Variants in MINDY2 observed in about 807,000 individuals in gnomAD.
MINDY2 encodes the protein ubiquitin carboxyl-terminal hydrolase MINDY-2.
A neutral mutation model predicts 68.2 loss-of-function variants in MINDY2; 52 were observed. That is an observed-to-expected ratio of 0.76 (90% confidence interval 0.61 to 0.96). MINDY2 has a LOEUF of 0.96. MINDY2 is among the 40% of genes least tolerant of loss of function. The probability of loss-of-function intolerance (pLI) is 0.00; values close to 1 mark genes in which losing one functional copy is unlikely to be tolerated. For missense variants in MINDY2, 881 were observed against 773.4 expected (o/e 1.14, Z -1.65); for synonymous variants, 372 against 303.0 (o/e 1.23, Z -2.36).
intron 6 of MINDY2, 59 bp downstream of exon 6, chr15:58,831,975 G>C (rs945915246): frequency 8.8e-6 from 13 of 1,476,982 alleles, no homozygotes; most frequent in South Asian, 1.3e-5. Context: ...TTGATTTAGA[G>C]TTGTCTTTTG....
At chr15:58,815,960 G>C (rs1264782423) in intron 4 of MINDY2, among the ~76,000 whole-genome samples, 1 of 152,300 alleles carries the variant, frequency 6.6e-6, no homozygotes, top group East Asian at 1.9e-4. Context: ...TTACAGGCGT[G>C]AGCCACCACG....
chr15:58,799,912 T>C (rs1466569523), intron 2 of MINDY2, among the ~76,000 whole-genome samples: 1 of 152,168 alleles, frequency 6.6e-6, no homozygotes, highest in Non-Finnish European at 1.5e-5. Flanking sequence ...CTGGAATGTA[T>C]ATTGTGACTT....
intron 2 of MINDY2, among the ~76,000 whole-genome samples, chr15:58,797,737 T>G (rs141750601): frequency 4.6e-5 from 7 of 152,318 alleles, no homozygotes; most frequent in African/African-American, 1.7e-4. Context: ...CTGCTCGTTA[T>G]CACTAGCACT....
At position 58,771,569 on chromosome 15, in the gene MINDY2, C is replaced by T. The variant is rs1442287902; in HGVS notation, c.174C>T (p.Ala58=). ...TSGGNGLGAA[A]ARRSLPDSAS... ...GCGGGAATGGGCTGGGGGCGGCGGC[C>T]GCCAGGAGGAGCCTCCCGGACTCGG... Residue 58 remains alanine, a synonymous_variant, in exon 1 of 9, where the codon GCC becomes GCT. Coordinates refer to ENST00000559228, the MANE Select transcript of MINDY2 (RefSeq NM_001040450.3). 2.5e-6 allele frequency: 4 copies of T among 1,611,202 alleles called. No individual in the cohort carries two copies. In the Admixed American group the frequency reaches 5.0e-5, roughly 20 times the overall value.
In MINDY2 at chr15:58,771,904, C is replaced by T; in HGVS notation, c.509C>T (p.Ser170Phe). The part of the protein sequence containing the change: ...SCSDPSPPGE[S>F]PSLDSLESFS... ...AGCGACCCGAGCCCTCCTGGGGAAT[C>T]TCCGAGCCTGGACTCTCTGGAGTCG... Residue 170 changes from serine to phenylalanine, a missense_variant, in exon 1 of 9, where the codon TCT becomes TTT. By Grantham distance (155) the Ser-to-Phe change is radical. Coordinates refer to ENST00000559228, the MANE Select transcript of MINDY2 (RefSeq NM_001040450.3). 1 of 1,561,146 alleles carries T rather than the reference C, an allele frequency of 6.4e-7. No individual in the cohort carries two copies. Among genetic ancestry groups the T allele is most frequent in the Non-Finnish European group, 8.7e-7 (1 of 1,155,602 alleles).
In MINDY2 at chr15:58,858,116, A is replaced by G. The variant is rs2033116808; in HGVS notation, c.*3506A>G. ...TGTGTACATATACACATTAAGCAGT[A>G]TAAAGCAGCTAAAATTGGCATTGGT... On this transcript the variant is annotated 3_prime_UTR_variant, in exon 9 of 9. Coordinates refer to ENST00000559228, the MANE Select transcript of MINDY2 (RefSeq NM_001040450.3). 6.6e-6 allele frequency: 1 copy of G among 152,254 alleles called. No homozygotes were observed. The highest frequency in any genetic ancestry group is 2.4e-5 in the African/African-American group (1 of 41,468). 9.4% of individuals were successfully genotyped at this position (152,254 alleles called of 1,614,324 possible). A position where few individuals can be genotyped will look rare whatever the true frequency, so the allele number is the denominator to read the frequency against.
chr15:58,797,689 T>C (rs1902376274), intron 2 of MINDY2, among the ~76,000 whole-genome samples: 1 of 152,196 alleles, frequency 6.6e-6, no homozygotes, highest in South Asian at 2.1e-4. Context: ...CTACTTTCTG[T>C]GCTATAACAA....
intron 1 of MINDY2, among the ~76,000 whole-genome samples, chr15:58,784,719 A>C (rs1283449542): frequency 1.3e-5 from 2 of 149,548 alleles, no homozygotes; most frequent in African/African-American, 2.5e-5. Flanking sequence ...TCCTGGGTTC[A>C]AGTGGTGCTC....
intron 2 of MINDY2, among the ~76,000 whole-genome samples, chr15:58,792,682 T>C (rs898259860): frequency 1.3e-5 from 2 of 152,190 alleles, no homozygotes; most frequent in Non-Finnish European, 2.9e-5. Flanking sequence ...AAATGTCTTA[T>C]CAACTGATGA....
chr15:58,785,085 T>C (rs1435848064), intron 1 of MINDY2, among the ~76,000 whole-genome samples: 1 of 143,872 alleles, frequency 7.0e-6, no homozygotes, highest in East Asian at 2.0e-4. Flanking sequence ...TATTAGGTCA[T>C]TAAGAAAACC....
chr15:58,797,840 A>G (rs1334199618), intron 2 of MINDY2, among the ~76,000 whole-genome samples: 1 of 152,210 alleles, frequency 6.6e-6, no homozygotes, highest in African/African-American at 2.4e-5. Context: ...GTGGCAGAGA[A>G]CCGATGAGCA....
chr15:58,831,951 T>G (rs1473129445), intron 6 of MINDY2, 35 bp downstream of exon 6: 1 of 1,578,874 alleles, frequency 6.3e-7, no homozygotes, highest in Non-Finnish European at 8.6e-7. Flanking sequence ...ATCGTGATTC[T>G]AAATCAAAGG....
At chr15:58,844,734 T>A (rs1230877189) in intron 6 of MINDY2, among the ~76,000 whole-genome samples, 1 of 151,102 alleles carries the variant, frequency 6.6e-6, no homozygotes, top group East Asian at 2.0e-4. Flanking sequence ...CTGGCCAACA[T>A]GGTGAAACTC....
chr15:58,817,402 C>T (rs192804449), intron 4 of MINDY2, among the ~76,000 whole-genome samples: 1 of 152,298 alleles, frequency 6.6e-6, no homozygotes, highest in Non-Finnish European at 1.5e-5. Flanking sequence ...GACCACTGTA[C>T]ATACATCAGA....
At chr15:58,782,331 T>C (rs1901199594) in intron 1 of MINDY2, among the ~76,000 whole-genome samples, 2 of 152,230 alleles carry the variant, frequency 1.3e-5, no homozygotes. Flanking sequence ...GACTATTATT[T>C]AGTGCGTCCA....
intron 1 of MINDY2, among the ~76,000 whole-genome samples, chr15:58,785,751 ACT>A (rs1901456632): frequency 6.6e-6 from 1 of 152,110 alleles, no homozygotes; most frequent in Non-Finnish European, 1.5e-5. Flanking sequence ...ATCTCTGCTC[ACT>A]GAAGCCTCCG....
At position 58,833,449 on chromosome 15, in the gene MINDY2, G is replaced by A. The variant is rs571114626; in HGVS notation, c.1368+1533G>A. Among the ~76,000 whole-genome samples, 4 of 152,274 alleles carry A rather than the reference G, an allele frequency of 2.6e-5. No individual in the cohort carries two copies. The East Asian group carries it at 5.8e-4, about 22-fold the overall frequency. On this transcript the variant is annotated intron_variant, in intron 6 of 8. Transcript: ENST00000559228. ...GACAAAGTATAGAGAAAGAAAAAAG[G>A]GGGCCCAGGGGACCAGCGTTCAGCA... is the stretch of plus-strand genomic sequence containing the variant.
At chr15:58,793,304 T>C (rs762283264) in intron 2 of MINDY2, among the ~76,000 whole-genome samples, 14 of 151,848 alleles carry the variant, frequency 9.2e-5, no homozygotes, top group African/African-American at 1.5e-4. Context: ...TACAAAAAAT[T>C]AGTCGGGTGT....
chr15:58,803,899 G>C (rs573668280), intron 3 of MINDY2, among the ~76,000 whole-genome samples: 1 of 145,952 alleles, frequency 6.9e-6, no homozygotes, highest in Admixed American at 7.0e-5. Context: ...ACGAGGTCAG[G>C]AGATTGAGAC....
Sources: gnomAD v4.1 joint callset for allele counts (sites outside exome capture counted in the v4.1 genomes callset) on GRCh38, gnomAD v4.1.1 for gene constraint, MANE v1.5 for transcripts, NCBI Gene and HGNC (gene_info 2026-07-23, HGNC 2026-07-21) for gene names.